Variants in SLCO2A1 observed in about 807,000 individuals in gnomAD.
SLCO2A1 encodes the protein matrin F/G 1.
In SLCO2A1, 60 loss-of-function variants were observed where a neutral mutation model predicts 71.7. That is an observed-to-expected ratio of 0.84 (90% CI 0.68 to 1.04). SLCO2A1 has a LOEUF of 1.04. Ranked by LOEUF, SLCO2A1 falls within the 50% of genes least tolerant of loss-of-function variation. The pLI, the probability that SLCO2A1 is intolerant of heterozygous loss-of-function variation, is 0.00. For missense variants in SLCO2A1, 745 were observed against 813.4 expected, an observed-to-expected ratio of 0.92 and a Z score of 1.02; for synonymous variants, 308 against 326.7, an observed-to-expected ratio of 0.94 and a Z score of 0.62.
At chr3:134,006,767 G>A (rs1194431961) in intron 1 of SLCO2A1, among the ~76,000 whole-genome samples, 1 of 152,152 alleles carries the variant, frequency 6.6e-6, no homozygotes, top group Non-Finnish European at 1.5e-5. Flanking sequence ...TATCGTGAAT[G>A]GTGCTGCTAG....
At chr3:133,961,278 T>G (rs908422770) in intron 3 of SLCO2A1, among the ~76,000 whole-genome samples, 2 of 151,986 alleles carry the variant, frequency 1.3e-5, no homozygotes, top group Non-Finnish European at 2.9e-5. Context: ...CCAGAGGGTG[T>G]GTGCGTAGAC....
At chr3:133,981,836 G>A (rs947936745) in intron 1 of SLCO2A1, among the ~76,000 whole-genome samples, 10 of 152,152 alleles carry the variant, frequency 6.6e-5, no homozygotes, top group Non-Finnish European at 8.8e-5. Flanking sequence ...TTAACCAGGC[G>A]TGGTGGCACA....
At chr3:134,006,380 A>C (rs1935214768) in intron 1 of SLCO2A1, among the ~76,000 whole-genome samples, 1 of 152,122 alleles carries the variant, frequency 6.6e-6, no homozygotes, top group African/African-American at 2.4e-5. Flanking sequence ...CATTAAGTAC[A>C]TTCACGTGTT....
At chr3:133,962,922 T>C (rs551829775) in intron 3 of SLCO2A1, among the ~76,000 whole-genome samples, 1 of 152,214 alleles carries the variant, frequency 6.6e-6, no homozygotes, top group Non-Finnish European at 1.5e-5. Context: ...GAGGGGCGTC[T>C]ATTTCTTAGC....
chr3:133,997,984 C>T (rs969934804), intron 1 of SLCO2A1, among the ~76,000 whole-genome samples: 3 of 152,236 alleles, frequency 2.0e-5, no homozygotes, highest in Non-Finnish European at 4.4e-5. Flanking sequence ...CAGCCTTGCT[C>T]ACGGTGCCGG....
chr3:134,006,422 C>G (rs189688933), intron 1 of SLCO2A1, among the ~76,000 whole-genome samples: 27 of 152,262 alleles, frequency 1.8e-4, no homozygotes, highest in African/African-American at 6.5e-4. Flanking sequence ...ATCTCTAGAA[C>G]TCTTTTCGTC....
intron 1 of SLCO2A1, among the ~76,000 whole-genome samples, chr3:134,003,208 T>C (rs987887515): frequency 2.0e-5 from 3 of 152,246 alleles, no homozygotes; most frequent in African/African-American, 4.8e-5. Context: ...CATCTTTAGA[T>C]GAGGAAAGAT....
chr3:133,989,841 A>G (rs2108063902), intron 1 of SLCO2A1, among the ~76,000 whole-genome samples: 1 of 152,360 alleles, frequency 6.6e-6, no homozygotes, highest in African/African-American at 2.4e-5. Flanking sequence ...TAGCACAGTT[A>G]TAATTGCAAA....
chr3:133,955,106 G>A lies in SLCO2A1; in HGVS notation c.485C>T (p.Pro162Leu). 1 of 1,614,214 alleles carries A rather than the reference G, an allele frequency of 6.2e-7. No individual in the cohort carries two copies. Among genetic ancestry groups the A allele is most frequent in the Non-Finnish European group, 8.5e-7 (1 of 1,180,032 alleles). The change falls in exon 4 of 14, where the codon CCC (proline) becomes CTC (leucine). Residue 162 changes from proline (P) to leucine (L), a missense_variant. Transcript: ENST00000310926. ...PSKCHSTTQNPQKETSSMWGL... is the reference protein window; with the variant it reads ...PSKCHSTTQNLQKETSSMWGL... ...CCACATGCTGCTGGTCTCCTTCTGGGGGTTCTGGGTGGTGCTGTGGCACTT... is the reference window on the plus strand; with the variant it reads ...CCACATGCTGCTGGTCTCCTTCTGGAGGTTCTGGGTGGTGCTGTGGCACTT...
intron 1 of SLCO2A1, among the ~76,000 whole-genome samples, chr3:133,998,243 C>T (rs541975276): frequency 6.6e-6 from 1 of 152,322 alleles, no homozygotes; most frequent in South Asian, 2.1e-4. Flanking sequence ...CCTTTTCTGG[C>T]TCTCAGGTGA....
At chr3:134,025,854 G>A (rs926446471) in intron 1 of SLCO2A1, among the ~76,000 whole-genome samples, 1 of 152,170 alleles carries the variant, frequency 6.6e-6, no homozygotes, top group African/African-American at 2.4e-5. Context: ...GGTTTGAAGA[G>A]AAGTTTACAA....
intron 1 of SLCO2A1, among the ~76,000 whole-genome samples, chr3:134,027,101 AT>A (rs1232034359): frequency 6.6e-6 from 1 of 152,234 alleles, no homozygotes; most frequent in Non-Finnish European, 1.5e-5. Context: ...ATCACTATCG[AT>A]CTGTCTTGCA....
intron 10 of SLCO2A1, among the ~76,000 whole-genome samples, chr3:133,943,173 A>G (rs1933476714): frequency 6.6e-6 from 1 of 152,228 alleles, no homozygotes; most frequent in Non-Finnish European, 1.5e-5. Flanking sequence ...AGGCATAAAC[A>G]GTAGGAGGGC....
chr3:133,944,948 G>T (rs1321264275), intron 10 of SLCO2A1, 147 bp downstream of exon 10: 6 of 921,170 alleles, frequency 6.5e-6, no homozygotes, highest in Non-Finnish European at 6.5e-6. Context: ...GAGGTTGGAT[G>T]TGGCTCAGAG....
chr3:133,961,943 C>T (rs566664579), intron 3 of SLCO2A1, among the ~76,000 whole-genome samples: 12 of 152,292 alleles, frequency 7.9e-5, no homozygotes, highest in South Asian at 2.1e-4. Context: ...CGGCCTTATG[C>T]GGGGACAGGT....
chr3:133,937,822 G>T (rs1018050758), intron 12 of SLCO2A1, among the ~76,000 whole-genome samples: 2 of 152,198 alleles, frequency 1.3e-5, no homozygotes, highest in Admixed American at 1.3e-4. Flanking sequence ...AGCAGTTCAG[G>T]AATGGGCCTG....
At chr3:133,961,977 T>G (rs955859283) in intron 3 of SLCO2A1, among the ~76,000 whole-genome samples, 7 of 152,190 alleles carry the variant, frequency 4.6e-5, no homozygotes, top group African/African-American at 1.7e-4. Context: ...ACAGATGTAG[T>G]GTGGGCTTCC....
At chr3:134,004,373 C>T (rs534871407) in intron 1 of SLCO2A1, among the ~76,000 whole-genome samples, 8 of 152,246 alleles carry the variant, frequency 5.3e-5, no homozygotes, top group African/African-American at 1.4e-4. Flanking sequence ...TTGCTCTTGT[C>T]GCCCAGGCTG....
At chr3:133,986,829 G>A (rs866299081) in intron 1 of SLCO2A1, among the ~76,000 whole-genome samples, 2 of 152,176 alleles carry the variant, frequency 1.3e-5, no homozygotes, top group African/African-American at 4.8e-5. Context: ...CAGGATGAAG[G>A]AGAAAGCATC....
Sources: gnomAD v4.1 joint callset for allele counts (sites outside exome capture counted in the v4.1 genomes callset) on GRCh38, gnomAD v4.1.1 for gene constraint, MANE v1.5 for transcripts, NCBI Gene and HGNC (gene_info 2026-07-23, HGNC 2026-07-21) for gene names.